TXLNB: variants seen among roughly 807,000 people sequenced by gnomAD.
TXLNB encodes the protein taxilin beta, also known as beta-taxilin.
Under a neutral mutation model 57.4 loss-of-function variants are expected in TXLNB, and 37 were observed. That is an observed-to-expected ratio of 0.64 (90% CI 0.50 to 0.85). The LOEUF is 0.85. Among genes scored for constraint, TXLNB ranks in the 40% least tolerant of loss-of-function variants. The pLI, the probability that TXLNB is intolerant of heterozygous loss-of-function variation, is 0.00. For synonymous variants in TXLNB, 302 were observed against 309.6 expected (o/e 0.98, Z 0.26); for missense variants, 848 against 825.6 (o/e 1.03, Z -0.33).
the TXLNB span, chr6:139,179,381 G>C: frequency 2.0e-5 from 3 of 152,184 alleles, no homozygotes; most frequent in Non-Finnish European, 4.4e-5. Flanking sequence ...GCAAGCTCCT[G>C]AATTTAGAAC....
intron 2 of TXLNB, among the ~76,000 whole-genome samples, chr6:139,281,468 C>T (rs527263015): frequency 4.7e-5 from 7 of 147,436 alleles, no homozygotes; most frequent in Non-Finnish European, 1.0e-4. Context: ...TATCTCTTAT[C>T]TTTCAGTGGC....
the TXLNB span, among the ~76,000 whole-genome samples, chr6:139,231,721 G>A: frequency 0.7 from 106,749 of 151,786 alleles, 38,264 homozygotes; most frequent in East Asian, 0.81. Flanking sequence ...ATCTAGTAAG[G>A]AATCTCTAGT....
the TXLNB span, chr6:139,167,446 T>C: frequency 1.2e-6 from 1 of 805,854 alleles, no homozygotes; most frequent in Non-Finnish European, 1.9e-6. Context: ...AGTCAGGTGC[T>C]AGGTAACATT....
At chr6:139,167,103 T>C in the TXLNB span, 2 of 1,614,192 alleles carry the variant, frequency 1.2e-6, no homozygotes, top group Non-Finnish European at 1.7e-6. Context: ...CTGAACACTT[T>C]CCACGTGCGC....
chr6:139,213,561 A>G, the TXLNB span, among the ~76,000 whole-genome samples: 2 of 152,240 alleles, frequency 1.3e-5, no homozygotes, highest in South Asian at 4.1e-4. Context: ...CATCACAATT[A>G]AAAGAACTAG....
the TXLNB span, among the ~76,000 whole-genome samples, chr6:139,214,331 A>G: frequency 6.6e-6 from 1 of 152,226 alleles, no homozygotes; most frequent in African/African-American, 2.4e-5. Flanking sequence ...AACATATGCA[A>G]ATCAATAAAC....
chr6:139,268,151 CAAAAAAAAAAAA>C (rs59647726), intron 4 of TXLNB, among the ~76,000 whole-genome samples: 1 of 64,520 alleles, frequency 1.5e-5, no homozygotes, highest in African/African-American at 4.9e-5. Context: ...CTCCATCTCA[CAAAAAAAAAAAA>C]AAAAAAAAAG....
At chr6:139,174,038 G>T in the TXLNB span, among the ~76,000 whole-genome samples, 2 of 152,204 alleles carry the variant, frequency 1.3e-5, no homozygotes, top group Non-Finnish European at 2.9e-5. Flanking sequence ...TTTTGAGCAG[G>T]AAGTCCTGCG....
chr6:139,191,692 C>T, the TXLNB span, among the ~76,000 whole-genome samples: 2 of 152,100 alleles, frequency 1.3e-5, no homozygotes, highest in Non-Finnish European at 2.9e-5. Context: ...AATTTAGAAA[C>T]AATGTATGGA....
At position 139,270,521 on chromosome 6, in the gene TXLNB, T is replaced by G. The variant is rs775094149; in HGVS notation, c.622A>C (p.Ile208Leu). The change falls in exon 4 of 10, where the codon ATC (isoleucine) becomes CTC (leucine). Residue 208 changes from isoleucine to leucine, a missense_variant. Physicochemically the swap from Ile to Leu is conservative, Grantham distance 5. Coordinates refer to ENST00000358430, the MANE Select transcript of TXLNB (RefSeq NM_153235.4). ...CTCTCCAATTTGCTTCGAGCGAGGA[T>G]AGCTCTGCTGTGTTCACCTTGTAAC... ...DQLQGEHSRA[I>L]LARSKLESLC... is the part of the protein sequence containing the mutation. The G allele has an allele frequency of 1.2e-6, 2 of 1,614,182 alleles. No homozygotes were observed. Among genetic ancestry groups the G allele is most frequent in the East Asian group, 4.5e-5 (2 of 44,882 alleles).
intron 6 of TXLNB, among the ~76,000 whole-genome samples, chr6:139,259,816 AT>A (rs1776435296): frequency 6.6e-6 from 1 of 152,218 alleles, no homozygotes. Flanking sequence ...ATGAATGACT[AT>A]TTTATGTAGA....
chr6:139,227,758 T>A, the TXLNB span, among the ~76,000 whole-genome samples: 54 of 152,272 alleles, frequency 3.5e-4, no homozygotes, highest in African/African-American at 1.2e-3. Context: ...ACATAGATAG[T>A]TTTGAGCAAA....
At chr6:139,313,053 A>T in the TXLNB span, among the ~76,000 whole-genome samples, 2 of 151,948 alleles carry the variant, frequency 1.3e-5, no homozygotes, top group African/African-American at 2.4e-5. Flanking sequence ...GTAAGTGTTA[A>T]TAAACTTCTA....
the TXLNB span, among the ~76,000 whole-genome samples, chr6:139,313,011 C>A: frequency 6.6e-6 from 1 of 152,092 alleles, no homozygotes; most frequent in Non-Finnish European, 1.5e-5. Context: ...AGTTACTCAT[C>A]CCTGAGTTTC....
chr6:139,175,972 G>A, the TXLNB span, among the ~76,000 whole-genome samples: 2 of 152,160 alleles, frequency 1.3e-5, no homozygotes, highest in Admixed American at 6.5e-5. Context: ...AGTGTTAGAC[G>A]CTACTAATGA....
At chr6:139,229,040 A>G in the TXLNB span, among the ~76,000 whole-genome samples, 60 of 152,310 alleles carry the variant, frequency 3.9e-4, no homozygotes, top group African/African-American at 1.3e-3. Flanking sequence ...TATCCAGGAC[A>G]AAGTATTTTT....
the TXLNB span, among the ~76,000 whole-genome samples, chr6:139,191,333 C>T: frequency 1.2e-4 from 18 of 152,114 alleles, no homozygotes; most frequent in African/African-American, 4.3e-4. Flanking sequence ...GCAGAAGAAT[C>T]GCTTGAACCT....
chr6:139,232,625 G>A, the TXLNB span, among the ~76,000 whole-genome samples: 198 of 152,122 alleles, frequency 1.3e-3, no homozygotes, highest in African/African-American at 4.4e-3. Context: ...GTTTTTATCC[G>A]TGCTCTACTT....
the TXLNB span, among the ~76,000 whole-genome samples, chr6:139,160,042 A>G: frequency 7.2e-5 from 11 of 152,200 alleles, no homozygotes; most frequent in Non-Finnish European, 1.3e-4. Context: ...AAGTGAGGGC[A>G]GGATGCAGGG....
Sources: allele counts gnomAD v4.1 joint callset (sites outside exome capture counted in the v4.1 genomes callset), GRCh38; gene constraint gnomAD v4.1.1; transcripts MANE v1.5; gene names NCBI Gene and HGNC (gene_info 2026-07-23, HGNC 2026-07-21).